The following FBXL7 variants were observed in gnomAD, a reference collection of about 807,000 sequenced individuals.
The protein encoded by FBXL7 is F-box and leucine rich repeat protein 7.
In FBXL7, 12 loss-of-function variants were observed where a neutral mutation model predicts 38.3. The ratio of observed to expected loss-of-function variants is 0.31; its 90% CI spans 0.20 to 0.51. The LOEUF is 0.51. Among genes scored for constraint, FBXL7 ranks in the 20% least tolerant of loss-of-function variants. The pLI, the probability that FBXL7 is intolerant of heterozygous loss-of-function variation, is 0.98. For synonymous variants in FBXL7, 297 were observed against 300.9 expected (o/e 0.99, Z 0.13); for missense variants, 567 against 676.4 (o/e 0.84, Z 1.79).
chr5:15,654,759 A>G (rs1411927619), intron 2 of FBXL7, among the ~76,000 whole-genome samples: 3 of 152,188 alleles, frequency 2.0e-5, no homozygotes, highest in Non-Finnish European at 1.5e-5. Context: ...TTCTCTGTGT[A>G]TATTGGATAA....
chr5:15,935,086 T>C, intron 3 of FBXL7: 1 of 517,334 alleles, frequency 1.9e-6, no homozygotes, highest in South Asian at 1.4e-5. Context: ...TTTCCAGTGC[T>C]CAGAGGCTGG....
chr5:15,891,041 C>T (rs1740883352), intron 2 of FBXL7, among the ~76,000 whole-genome samples: 1 of 152,078 alleles, frequency 6.6e-6, no homozygotes, highest in Admixed American at 6.6e-5. Flanking sequence ...GTTTTCTCTG[C>T]ATAATTTATC....
intron 1 of FBXL7, among the ~76,000 whole-genome samples, chr5:15,567,735 A>C (rs1017636165): frequency 9.9e-5 from 15 of 151,670 alleles, no homozygotes; most frequent in Non-Finnish European, 2.1e-4. Flanking sequence ...TCCTAATGCT[A>C]TCCCTCCCCC....
intron 2 of FBXL7, among the ~76,000 whole-genome samples, chr5:15,670,612 C>T (rs1010091881): frequency 1.3e-5 from 2 of 152,054 alleles, no homozygotes; most frequent in African/African-American, 4.8e-5. Context: ...ACCAGCCTGG[C>T]CAACATGGTG....
At chr5:15,833,166 C>T (rs934800430) in intron 2 of FBXL7, among the ~76,000 whole-genome samples, 6 of 152,084 alleles carry the variant, frequency 3.9e-5, no homozygotes, top group Admixed American at 2.0e-4. Context: ...AGAATGAAAG[C>T]GGACTAATAC....
At chr5:15,834,751 C>T (rs1420575466) in intron 2 of FBXL7, among the ~76,000 whole-genome samples, 1 of 152,222 alleles carries the variant, frequency 6.6e-6, no homozygotes, top group Non-Finnish European at 1.5e-5. Context: ...TTAATGCTTT[C>T]ATGCTCTCAT....
intron 1 of FBXL7, among the ~76,000 whole-genome samples, chr5:15,528,231 G>A (rs774088312): frequency 3.3e-5 from 5 of 152,156 alleles, no homozygotes; most frequent in Non-Finnish European, 7.4e-5. Context: ...CTTCTCCTAT[G>A]GACCCAGGAG....
intron 2 of FBXL7, among the ~76,000 whole-genome samples, chr5:15,755,626 AC>A (rs1257851152): frequency 1.3e-5 from 2 of 152,148 alleles, no homozygotes; most frequent in Non-Finnish European, 2.9e-5. Flanking sequence ...TTGTAATTTA[AC>A]CGAAAACAGT....
At chr5:15,650,240 T>A (rs1741662303) in intron 2 of FBXL7, among the ~76,000 whole-genome samples, 1 of 152,208 alleles carries the variant, frequency 6.6e-6, no homozygotes, top group Admixed American at 6.5e-5. Flanking sequence ...CCACATGAAA[T>A]TTTTGGTTTC....
At chr5:15,790,319 C>A (rs1737241259) in intron 2 of FBXL7, among the ~76,000 whole-genome samples, 1 of 152,102 alleles carries the variant, frequency 6.6e-6, no homozygotes. Flanking sequence ...TTCAGTGATG[C>A]TTCCTCCGCT....
chr5:15,931,564 A>G (rs1742036628), intron 3 of FBXL7, among the ~76,000 whole-genome samples: 2 of 152,050 alleles, frequency 1.3e-5, no homozygotes, highest in African/African-American at 4.8e-5. Context: ...AAGTCTAACC[A>G]TTTACTTTCC....
intron 2 of FBXL7, among the ~76,000 whole-genome samples, chr5:15,652,971 A>T (rs11958246): frequency 6.6e-6 from 1 of 152,338 alleles, no homozygotes; most frequent in East Asian, 1.9e-4. Context: ...TGCCTGTTTC[A>T]AAGTATCTCA....
chr5:15,907,827 T>C (rs1741393074), intron 2 of FBXL7, among the ~76,000 whole-genome samples: 1 of 57,098 alleles, frequency 1.8e-5, no homozygotes, highest in South Asian at 8.5e-4. Flanking sequence ...CAGATAGTTG[T>C]AGATATGCGG....
intron 2 of FBXL7, among the ~76,000 whole-genome samples, chr5:15,926,165 G>A (rs1741871795): frequency 6.6e-6 from 1 of 151,974 alleles, no homozygotes; most frequent in Non-Finnish European, 1.5e-5. Flanking sequence ...ATCTTCATGT[G>A]TGTGGGTATA....
intron 2 of FBXL7, among the ~76,000 whole-genome samples, chr5:15,648,778 C>G (rs1287682786): frequency 6.6e-6 from 1 of 152,186 alleles, no homozygotes; most frequent in Admixed American, 6.5e-5. Flanking sequence ...ACGATGAACT[C>G]CAGCTGAAAT....
intron 2 of FBXL7, among the ~76,000 whole-genome samples, chr5:15,755,192 A>C (rs1736264513): frequency 6.6e-6 from 1 of 152,194 alleles, no homozygotes; most frequent in African/African-American, 2.4e-5. Context: ...GCCTTGAAAA[A>C]GGCTCAGCTC....
intron 1 of FBXL7, among the ~76,000 whole-genome samples, chr5:15,560,399 C>T (rs989415680): frequency 5.9e-5 from 9 of 152,144 alleles, no homozygotes. Context: ...TGCTTGGAAA[C>T]CAGTTCCCTC....
intron 2 of FBXL7, among the ~76,000 whole-genome samples, chr5:15,886,926 T>G (rs1740700873): frequency 6.6e-6 from 1 of 152,172 alleles, no homozygotes; most frequent in Non-Finnish European, 1.5e-5. Context: ...TTCTTTACAT[T>G]GAGCAAGTTC....
chr5:15,805,331 A>G (rs1737680426), intron 2 of FBXL7, among the ~76,000 whole-genome samples: 1 of 152,190 alleles, frequency 6.6e-6, no homozygotes, highest in Non-Finnish European at 1.5e-5. Flanking sequence ...TGCTCTCTGT[A>G]GGCCAGTGAG....
Sources: gnomAD v4.1 joint callset for allele counts (sites outside exome capture counted in the v4.1 genomes callset) on GRCh38, gnomAD v4.1.1 for gene constraint, MANE v1.5 for transcripts, NCBI Gene and HGNC (gene_info 2026-07-23, HGNC 2026-07-21) for gene names.